The following GRIK1 variants were observed in gnomAD, a reference collection of about 807,000 sequenced individuals.
GRIK1 encodes the protein glutamate ionotropic receptor kainate type subunit 1, also known as glutamate receptor ionotropic, kainate 1.
Under a neutral mutation model 105.7 loss-of-function variants are expected in GRIK1, and 69 were observed. That is an observed-to-expected ratio of 0.65 (90% CI 0.54 to 0.80). The LOEUF (loss-of-function observed/expected upper bound fraction) is 0.80. Among genes scored for constraint, GRIK1 ranks in the 30% least tolerant of loss-of-function variants. The probability of loss-of-function intolerance (pLI) is 0.00; values close to 1 mark genes in which losing one functional copy is unlikely to be tolerated. For missense variants in GRIK1, 1,109 were observed against 1,167.3 expected (o/e 0.95, Z 0.73); for synonymous variants, 438 against 431.3 (o/e 1.02, Z -0.19).
intron 16 of GRIK1, among the ~76,000 whole-genome samples, chr21:29,546,011 G>A (rs562120747): frequency 7.2e-5 from 11 of 152,244 alleles, no homozygotes; most frequent in South Asian, 6.2e-4. Context: ...CTGGGATAAG[G>A]AGAAGTGTCT....
intron 1 of GRIK1, among the ~76,000 whole-genome samples, chr21:29,771,916 C>T (rs1263668481): frequency 6.6e-6 from 1 of 152,180 alleles, no homozygotes. Flanking sequence ...CTAGTTCTAC[C>T]AAATAAAAGA....
intron 1 of GRIK1, among the ~76,000 whole-genome samples, chr21:29,929,648 G>T (rs1327614291): frequency 6.6e-6 from 1 of 152,076 alleles, no homozygotes; most frequent in Non-Finnish European, 1.5e-5. Context: ...TATCAAAAAA[G>T]ACAAGAAAAG....
At chr21:29,655,175 G>A (rs1020382674) in intron 4 of GRIK1, among the ~76,000 whole-genome samples, 8 of 152,246 alleles carry the variant, frequency 5.3e-5, no homozygotes, top group Non-Finnish European at 8.8e-5. Context: ...TTGGGAGACC[G>A]AGGCAGGTGG....
chr21:29,864,424 T>G (rs1392596316), intron 1 of GRIK1, among the ~76,000 whole-genome samples: 1 of 152,164 alleles, frequency 6.6e-6, no homozygotes, highest in East Asian at 1.9e-4. Flanking sequence ...ATCTTACCTT[T>G]AAAGTTCCAT....
intron 1 of GRIK1, among the ~76,000 whole-genome samples, chr21:29,730,019 A>G (rs1569023881): frequency 1.3e-5 from 2 of 152,200 alleles, no homozygotes; most frequent in African/African-American, 4.8e-5. Context: ...AACATGTCAT[A>G]ATCACTACAT....
chr21:29,643,558 T>G (rs1457598831), intron 6 of GRIK1, among the ~76,000 whole-genome samples: 1 of 152,214 alleles, frequency 6.6e-6, no homozygotes, highest in African/African-American at 2.4e-5. Flanking sequence ...TGCAGCTTGC[T>G]CAGAACATGC....
intron 16 of GRIK1, among the ~76,000 whole-genome samples, chr21:29,542,749 T>G (rs1208426912): frequency 6.6e-6 from 1 of 152,238 alleles, no homozygotes; most frequent in Non-Finnish European, 1.5e-5. Context: ...GCTTATACCC[T>G]TGAGGATTTT....
intron 1 of GRIK1, among the ~76,000 whole-genome samples, chr21:29,801,683 A>T (rs2066715223): frequency 6.6e-6 from 1 of 152,184 alleles, no homozygotes; most frequent in South Asian, 2.1e-4. Flanking sequence ...TCACATACGC[A>T]GATATTGAAA....
intron 1 of GRIK1, among the ~76,000 whole-genome samples, chr21:29,734,389 TTC>T (rs1169007556): frequency 9.9e-4 from 94 of 95,204 alleles, no homozygotes; most frequent in African/African-American, 3.2e-3. Flanking sequence ...TTCTTTTCTT[TTC>T]TTTTCTTTTC....
rs769136639 is a variant in GRIK1 at position 29,699,652 on chromosome 21, CT to C, written c.119-5590del. On this transcript the variant is annotated intron_variant, in intron 1 of 17. Transcript: ENST00000327783. ...CATAGACTAGTACATTTATCAGCAT[CT>C]TTTTTTTTTTTTTGAGATGGAGTCT... Among the ~76,000 whole-genome samples, 549 of 144,112 alleles carry C rather than the reference CT, an allele frequency of 3.8e-3. 1 individual carries two copies. The highest frequency in any genetic ancestry group is 6.1e-3 in the African/African-American group (242 of 39,702). 94.5% of individuals were successfully genotyped at this position (144,112 alleles called of 152,430 possible). A position where few individuals can be genotyped will look rare whatever the true frequency, so the allele number is the denominator to read the frequency against.
intron 1 of GRIK1, among the ~76,000 whole-genome samples, chr21:29,769,529 C>T (rs1013478202): frequency 2.0e-5 from 3 of 152,232 alleles, no homozygotes; most frequent in East Asian, 1.9e-4. Context: ...CAACCTACAT[C>T]CCTCCCATGC....
intron 1 of GRIK1, among the ~76,000 whole-genome samples, chr21:29,856,546 T>A (rs2068470282): frequency 6.6e-6 from 1 of 152,158 alleles, no homozygotes; most frequent in Non-Finnish European, 1.5e-5. Flanking sequence ...CTGAAAATCG[T>A]TCACACATCT....
At chr21:29,692,843 G>T (rs1169273533) in intron 2 of GRIK1, among the ~76,000 whole-genome samples, 2 of 152,208 alleles carry the variant, frequency 1.3e-5, no homozygotes, top group Non-Finnish European at 2.9e-5. Flanking sequence ...AAAGTGCTGG[G>T]ATTACCGGCA....
At chr21:29,719,986 C>A (rs969714654) in intron 1 of GRIK1, among the ~76,000 whole-genome samples, 1 of 152,182 alleles carries the variant, frequency 6.6e-6, no homozygotes, top group Non-Finnish European at 1.5e-5. Flanking sequence ...TCCTTTCTTT[C>A]ATTTTAAAAA....
intron 3 of GRIK1, among the ~76,000 whole-genome samples, chr21:29,683,495 G>T (rs1349724765): frequency 6.6e-6 from 1 of 152,336 alleles, no homozygotes; most frequent in Admixed American, 6.5e-5. Flanking sequence ...GCAGCTGGAG[G>T]CCGTTATCCT....
At chr21:29,555,410 C>T in intron 15 of GRIK1, 108 bp from the exon 16 acceptor site, 4 of 975,724 alleles carry the variant, frequency 4.1e-6, no homozygotes, top group Admixed American at 2.2e-5. Context: ...TGTTGTGAGA[C>T]CCCAATCCAC....
intron 1 of GRIK1, among the ~76,000 whole-genome samples, chr21:29,771,956 C>G (rs1013366813): frequency 4.6e-5 from 7 of 152,184 alleles, no homozygotes; most frequent in African/African-American, 1.7e-4. Context: ...TCTGGGACAG[C>G]CAGATCCATT....
intron 1 of GRIK1, among the ~76,000 whole-genome samples, chr21:29,745,557 T>C (rs2065029441): frequency 6.6e-6 from 1 of 152,078 alleles, no homozygotes; most frequent in Admixed American, 6.6e-5. Flanking sequence ...GTAGAAAGAG[T>C]ACAGGGTTAA....
intron 1 of GRIK1, among the ~76,000 whole-genome samples, chr21:29,738,326 T>C (rs1181502176): frequency 6.6e-6 from 1 of 152,268 alleles, no homozygotes; most frequent in East Asian, 1.9e-4. Context: ...CTTTAATAAT[T>C]ACAACCATCT....
Sources: gnomAD v4.1 joint callset for allele counts (sites outside exome capture counted in the v4.1 genomes callset) on GRCh38, gnomAD v4.1.1 for gene constraint, MANE v1.5 for transcripts, NCBI Gene and HGNC (gene_info 2026-07-23, HGNC 2026-07-21) for gene names.